Variants in EYS observed in about 807,000 individuals in gnomAD.
The protein encoded by EYS is protein eyes shut homolog.
Under a neutral mutation model 282.1 loss-of-function variants are expected in EYS, and 250 were observed. The observed-to-expected ratio is 0.89, with a 90% CI of 0.80 to 0.98. EYS has a LOEUF of 0.98. Ranked by LOEUF, EYS falls within the 50% of genes least tolerant of loss-of-function variation. The pLI, the probability that EYS is intolerant of heterozygous loss-of-function variation, is 0.00. For synonymous variants in EYS, 1,355 were observed against 1,282.9 expected (o/e 1.06, Z -1.20); for missense variants, 4,016 against 3,709.0 (o/e 1.08, Z -2.15).
chr6:65,179,534 C>A (rs1199634068), intron 12 of EYS, among the ~76,000 whole-genome samples: 1 of 152,130 alleles, frequency 6.6e-6, no homozygotes, highest in East Asian at 1.9e-4. Context: ...TCTGAATAGA[C>A]TGATAACAGG....
chr6:65,294,236 G>T (rs1768603392), intron 12 of EYS, among the ~76,000 whole-genome samples: 1 of 150,230 alleles, frequency 6.7e-6, no homozygotes, highest in African/African-American at 2.5e-5. Context: ...GATTAACTCT[G>T]CATCCCTGGG....
chr6:65,290,906 T>G (rs1417172037), intron 12 of EYS, among the ~76,000 whole-genome samples: 1 of 151,372 alleles, frequency 6.6e-6, no homozygotes, highest in African/African-American at 2.4e-5. Flanking sequence ...TTAATGATAG[T>G]GAAATCTAAA....
At chr6:64,762,331 T>C (rs1773185464) in intron 22 of EYS, among the ~76,000 whole-genome samples, 1 of 152,238 alleles carries the variant, frequency 6.6e-6, no homozygotes, top group Non-Finnish European at 1.5e-5. Context: ...TATATTTTTC[T>C]GCACTATTCA....
intron 5 of EYS, among the ~76,000 whole-genome samples, chr6:65,434,440 C>A (rs1168907296): frequency 2.0e-5 from 3 of 151,862 alleles, no homozygotes; most frequent in African/African-American, 7.3e-5. Flanking sequence ...CCTGCCTCAG[C>A]CTCCCGAGTA....
At chr6:64,941,064 C>A (rs557144171) in intron 15 of EYS, among the ~76,000 whole-genome samples, 6 of 152,028 alleles carry the variant, frequency 3.9e-5, no homozygotes, top group African/African-American at 1.2e-4. Flanking sequence ...GCAATGTATG[C>A]CAAACAAATC....
At chr6:64,855,409 A>G (rs1358507437) in intron 19 of EYS, among the ~76,000 whole-genome samples, 1 of 149,346 alleles carries the variant, frequency 6.7e-6, no homozygotes, top group Non-Finnish European at 1.5e-5. Flanking sequence ...TTTTTTTCTT[A>G]TTTTTCGCTT....
chr6:65,703,276 C>A (rs1769745659), intron 1 of EYS, among the ~76,000 whole-genome samples: 1 of 151,966 alleles, frequency 6.6e-6, no homozygotes, highest in African/African-American at 2.4e-5. Context: ...CTAATGCATG[C>A]ACATATACAG....
At chr6:64,100,359 G>A (rs1049600526) in intron 31 of EYS, among the ~76,000 whole-genome samples, 2 of 152,060 alleles carry the variant, frequency 1.3e-5, no homozygotes, top group Non-Finnish European at 2.9e-5. Flanking sequence ...CTGGAATTTT[G>A]TGATAGTTTC....
intron 35 of EYS, among the ~76,000 whole-genome samples, chr6:63,902,903 T>G (rs1773691330): frequency 6.6e-6 from 1 of 152,156 alleles, no homozygotes; most frequent in Admixed American, 6.5e-5. Flanking sequence ...CTCTTCTGAT[T>G]ATGTATACCA....
intron 35 of EYS, among the ~76,000 whole-genome samples, chr6:63,973,465 G>A (rs1435198335): frequency 6.6e-6 from 1 of 152,116 alleles, no homozygotes; most frequent in Non-Finnish European, 1.5e-5. Flanking sequence ...CTAGGAGAGA[G>A]AGCATTGAAT....
chr6:64,903,335 T>C (rs1427947208), intron 16 of EYS, among the ~76,000 whole-genome samples: 1 of 152,138 alleles, frequency 6.6e-6, no homozygotes, highest in Non-Finnish European at 1.5e-5. Flanking sequence ...TTACACAATA[T>C]TCTAAATGTC....
intron 33 of EYS, among the ~76,000 whole-genome samples, chr6:64,035,040 G>A (rs1770044722): frequency 1.3e-5 from 2 of 152,280 alleles, no homozygotes; most frequent in Admixed American, 1.3e-4. Flanking sequence ...CTGAAGGGTG[G>A]GGTGGAGGCT....
At chr6:64,324,068 G>T (rs982758311) in intron 29 of EYS, among the ~76,000 whole-genome samples, 1 of 151,518 alleles carries the variant, frequency 6.6e-6, no homozygotes, top group African/African-American at 2.4e-5. Flanking sequence ...TTAATGGTCA[G>T]TCCAGCTACA....
chr6:64,466,762 T>G (rs531963666), intron 26 of EYS, among the ~76,000 whole-genome samples: 359 of 152,190 alleles, frequency 2.4e-3, no homozygotes, highest in Admixed American at 5.6e-3. Flanking sequence ...ACCACAAAAA[T>G]TGATATGTAT....
At chr6:64,857,311 T>C (rs1396505172) in intron 19 of EYS, among the ~76,000 whole-genome samples, 11 of 152,182 alleles carry the variant, frequency 7.2e-5, no homozygotes, top group Non-Finnish European at 1.6e-4. Context: ...TGGTAACCAC[T>C]ATGAGTTCAA....
At chr6:64,875,424 C>T (rs1329832392) in intron 19 of EYS, among the ~76,000 whole-genome samples, 3 of 151,972 alleles carry the variant, frequency 2.0e-5, no homozygotes, top group East Asian at 1.9e-4. Context: ...TTGGGTGCTC[C>T]GGGCTATATC....
intron 33 of EYS, among the ~76,000 whole-genome samples, chr6:64,008,329 G>T (rs1353789568): frequency 1.3e-5 from 2 of 152,086 alleles, no homozygotes; most frequent in Non-Finnish European, 2.9e-5. Context: ...TTGCTTAGTA[G>T]ATTTTTCCCT....
chr6:65,012,623 A>G (rs1008519166), intron 13 of EYS, among the ~76,000 whole-genome samples: 2 of 152,072 alleles, frequency 1.3e-5, no homozygotes, highest in Non-Finnish European at 1.5e-5. Flanking sequence ...ACAAAAGCCA[A>G]GTGTCCCTGT....
intron 29 of EYS, among the ~76,000 whole-genome samples, chr6:64,337,706 C>T (rs543090927): frequency 2.2e-4 from 33 of 151,912 alleles, no homozygotes; most frequent in East Asian, 1.2e-3. Context: ...ATATCCCTGA[C>T]GAATACAGAT....
Sources: allele counts gnomAD v4.1 joint callset (sites outside exome capture counted in the v4.1 genomes callset), GRCh38; gene constraint gnomAD v4.1.1; transcripts MANE v1.5; gene names NCBI Gene and HGNC (gene_info 2026-07-23, HGNC 2026-07-21).